Variants in SPDYE3 observed in about 807,000 individuals in gnomAD.
SPDYE3 encodes speedy protein E3.
Under a neutral mutation model 55.0 loss-of-function variants are expected in SPDYE3, and 15 were observed. That is an observed-to-expected ratio of 0.27 (90% CI 0.18 to 0.42). The LOEUF (loss-of-function observed/expected upper bound fraction) is 0.42. Ranked by LOEUF, SPDYE3 falls within the 10% of genes least tolerant of loss-of-function variation. The pLI is 1.00. For missense variants in SPDYE3, 236 were observed against 576.7 expected, an observed-to-expected ratio of 0.41 and a Z score of 6.05; for synonymous variants, 89 against 229.9, an observed-to-expected ratio of 0.39 and a Z score of 5.55.
chr7:100,311,045 T>G (rs1584996636), intron 3 of SPDYE3, among the ~76,000 whole-genome samples: 1 of 39,330 alleles, frequency 2.5e-5, no homozygotes, highest in African/African-American at 1.3e-4. Flanking sequence ...AGGAAGAGGG[T>G]GCAGTGAGCC....
chr7:100,319,337 C>A (rs1789517477), intron 8 of SPDYE3, among the ~76,000 whole-genome samples: 2 of 152,194 alleles, frequency 1.3e-5, no homozygotes, highest in Non-Finnish European at 1.5e-5. Flanking sequence ...CCTAAGCCAC[C>A]ACTCTTGGTC....
In SPDYE3 at chr7:100,307,870, G is replaced by C. The variant is rs1238805728; in HGVS notation, c.-16G>C. 11 of 1,571,024 alleles carry C rather than the reference G, an allele frequency of 7.0e-6. No homozygotes were observed. The highest frequency in any genetic ancestry group is 1.3e-5 in the African/African-American group (1 of 74,340). The stretch of plus-strand genomic sequence containing the variant: ...AGACTAGCTTCGGTGAGATTGGACA[G>C]ATTTTGGGAAAGATCATGACGAGCC... On this transcript the variant is annotated 5_prime_UTR_variant, in exon 1 of 11. Transcript: ENST00000332397.
rs746836707 is a variant in SPDYE3 at position 100,307,920 on chromosome 7, A to C, written c.35A>C (p.Gln12Pro). 6.3e-7 allele frequency: 1 copy of C among 1,586,014 alleles called. No individual in the cohort carries two copies. The highest frequency in any genetic ancestry group is 1.3e-5 in the African/African-American group (1 of 74,656). The change falls in exon 1 of 11, where the codon CAG becomes CCG. Residue 12 changes from glutamine (Q) to proline (P), a missense_variant. Physicochemically the swap from Gln to Pro is moderately conservative, Grantham distance 76 (BLOSUM62 -1). Coordinates refer to ENST00000332397, the MANE Select transcript of SPDYE3 (RefSeq NM_001004351.5). ...TSHQPQPQEE[Q>P]SPQRSTSGYP... ...CATCAACCGCAGCCCCAGGAAGAGCAGAGCCCCCAGCGGAGCACCTCAGGG... is the reference window on the plus strand; with the variant it reads ...CATCAACCGCAGCCCCAGGAAGAGCCGAGCCCCCAGCGGAGCACCTCAGGG...
Position 100,309,156 on chromosome 7 carries a change from C to G in SPDYE3, c.289C>G (p.Leu97Val). ...KAKRRRVSLV[L>V]PEYYEAFNRL... is the part of the protein sequence containing the mutation. The stretch of plus-strand genomic sequence containing the variant: ...GAAGCGACGGCGAGTGTCGCTCGTG[C>G]TCCCTGAGTACTACGAGGCCTTCAA... The change falls in exon 2 of 11, where the codon CTC (leucine) becomes GTC (valine). Residue 97 changes from leucine to valine, a missense_variant. Coordinates refer to ENST00000332397, the MANE Select transcript of SPDYE3 (RefSeq NM_001004351.5). 2.1e-6 allele frequency: 1 copy of G among 479,798 alleles called. No individual in the cohort carries two copies. Among genetic ancestry groups the G allele is most frequent in the East Asian group, 3.1e-5 (1 of 31,886 alleles). The allele number at this position is 479,798 out of a possible 1,614,324, so 29.7% of individuals were successfully genotyped here. A position where few individuals can be genotyped will look rare whatever the true frequency, so the allele number is the denominator to read the frequency against.
At chr7:100,320,491 T>C in intron 10 of SPDYE3, 2 of 980,148 alleles carry the variant, frequency 2.0e-6, no homozygotes, top group Non-Finnish European at 2.6e-6. Context: ...ATTAGGCTTC[T>C]GGACTCGTGG....
At position 100,308,500 on chromosome 7, in the gene SPDYE3, A is replaced by G. The variant is rs187017136; in HGVS notation, c.107-474A>G. Among the ~76,000 whole-genome samples the G allele has an allele frequency of 3.8e-3, 569 of 150,534 alleles. 11 individuals carry two copies. Among genetic ancestry groups the G allele is most frequent in the Non-Finnish European group, 1.6e-3 (108 of 67,724 alleles). On this transcript the variant is annotated intron_variant, in intron 1 of 10. Transcript: ENST00000332397. ...AAGGCAGGCGGATCACGTGAGGCCA[A>G]GAGTTTGAGACCAGCCTGGCCAACA...
intron 8 of SPDYE3, among the ~76,000 whole-genome samples, chr7:100,317,975 CAAA>C (rs1159920205): frequency 2.3e-5 from 1 of 43,850 alleles, no homozygotes; most frequent in African/African-American, 7.1e-5. Context: ...GACTCCGTCT[CAAA>C]AAAAAAAAAA....
chr7:100,315,787 G>T lies in SPDYE3; in HGVS notation c.1204G>T (p.Asp402Tyr), dbSNP rs1031904778. ...YYEAFNRLLE[D>Y]PVIKRFLAWD... is the part of the protein sequence containing the mutation. The stretch of plus-strand genomic sequence containing the variant: ...TGACATCTGCTCTCTAATCACAGAG[G>T]ATCCTGTCATTAAAAGATTCCTGGC... Residue 402 changes from aspartate to tyrosine, a missense_variant and splice_region_variant, in exon 7 of 11, where the codon GAT becomes TAT. Physicochemically the swap from Asp to Tyr is radical, Grantham distance 160. Transcript: ENST00000332397. 6.3e-6 allele frequency: 10 copies of T among 1,598,868 alleles called. No homozygotes were observed. The highest frequency in any genetic ancestry group is 8.5e-6 in the Non-Finnish European group (10 of 1,179,736).
Position 100,307,938 on chromosome 7 carries a change from C to T in SPDYE3, c.53C>T (p.Thr18Ile), listed in dbSNP as rs1202332703. The change falls in exon 1 of 11, where the codon ACC (threonine) becomes ATC (isoleucine). Residue 18 changes from threonine to isoleucine, a missense_variant. By Grantham distance (89) the Thr-to-Ile change is moderately conservative. Coordinates refer to ENST00000332397, the MANE Select transcript of SPDYE3 (RefSeq NM_001004351.5). ...GAAGAGCAGAGCCCCCAGCGGAGCACCTCAGGGTACCCCCTCCAGGAGGTG... is the reference window on the plus strand; with the variant it reads ...GAAGAGCAGAGCCCCCAGCGGAGCATCTCAGGGTACCCCCTCCAGGAGGTG... ...PQEEQSPQRS[T>I]SGYPLQEVVD... The T allele has an allele frequency of 1.8e-5, 28 of 1,580,054 alleles. No homozygotes were observed. The highest frequency in any genetic ancestry group is 2.4e-5 in the Non-Finnish European group (28 of 1,171,520).
At chr7:100,319,497 G>A (rs1466330609) in intron 8 of SPDYE3, 68 bp from the exon 9 acceptor site, 61 of 1,610,740 alleles carry the variant, frequency 3.8e-5, no homozygotes, top group Admixed American at 8.3e-5. Flanking sequence ...TCCTCTCTGG[G>A]AAGCTGACCT....
chr7:100,317,211 G>T, intron 8 of SPDYE3, 56 bp downstream of exon 8: 1 of 1,583,364 alleles, frequency 6.3e-7, no homozygotes, highest in Non-Finnish European at 8.7e-7. Context: ...GACAGCGGGG[G>T]AAGTGGGATT....
rs775669111 is a variant in SPDYE3 at position 100,319,743 on chromosome 7, C to T, written c.1525C>T (p.Arg509Cys). ...NCSQIALFQK[R>C]RFQFFCSMRC... ...CTCTCAGATAGCCTTGTTCCAGAAG[C>T]GTCGGTTCCAGTTCTTCTGTTCCAT... Residue 509 changes from arginine (R) to cysteine (C), a missense_variant, in exon 9 of 11, where the codon CGT (arginine) becomes TGT (cysteine). By Grantham distance (180) the Arg-to-Cys change is radical. Coordinates refer to ENST00000332397, the MANE Select transcript of SPDYE3 (RefSeq NM_001004351.5). 5.0e-6 allele frequency: 8 copies of T among 1,614,010 alleles called. No individual in the cohort carries two copies. Among genetic ancestry groups the T allele is most frequent in the African/African-American group, 4.0e-5 (3 of 74,892 alleles).
At chr7:100,318,998 G>A (rs1312807927) in intron 8 of SPDYE3, among the ~76,000 whole-genome samples, 6 of 151,256 alleles carry the variant, frequency 4.0e-5, no homozygotes, top group Non-Finnish European at 5.9e-5. Context: ...TGCAACCTCC[G>A]CCTCCTGGGT....
intron 7 of SPDYE3, 43 bp downstream of exon 7, chr7:100,315,886 C>T (rs767820447): frequency 2.6e-5 from 42 of 1,597,936 alleles, no homozygotes; most frequent in African/African-American, 5.3e-5. Context: ...TTCTAACGCA[C>T]GGCCAGGGGG....
chr7:100,320,244 G>T, intron 10 of SPDYE3: 1 of 1,215,614 alleles, frequency 8.2e-7, no homozygotes, highest in Non-Finnish European at 1.1e-6. Flanking sequence ...CTGGAGCCTG[G>T]GAGGTCGGGG....
chr7:100,309,697 G>A (rs1034293708), intron 2 of SPDYE3, among the ~76,000 whole-genome samples: 3 of 125,278 alleles, frequency 2.4e-5, no homozygotes, highest in African/African-American at 8.7e-5. Flanking sequence ...CTCCAGTCTG[G>A]GTGAGAGAGT....
In SPDYE3 at chr7:100,311,979, AC is replaced by A; in HGVS notation, c.763+15del. Reference sequence around the variant, plus strand: ...TCAACAGGCTGCTTGGTAGGAGGACACCCCAGAGAGCACCTCCAATCCTGTT... The same window carrying A: ...TCAACAGGCTGCTTGGTAGGAGGACACCCAGAGAGCACCTCCAATCCTGTT... On this transcript the variant is annotated intron_variant, in intron 4 of 10. Coordinates refer to ENST00000332397, the MANE Select transcript of SPDYE3 (RefSeq NM_001004351.5). 1 of 1,041,542 alleles carries A rather than the reference AC, an allele frequency of 9.6e-7. No homozygotes were observed. The highest frequency in any genetic ancestry group is 1.3e-6 in the Non-Finnish European group (1 of 747,556). 64.5% of individuals were successfully genotyped at this position (1,041,542 alleles called of 1,614,324 possible).
intron 10 of SPDYE3, chr7:100,320,686 T>C: frequency 9.3e-7 from 1 of 1,072,492 alleles, no homozygotes; most frequent in South Asian, 1.7e-5. Context: ...TTGGGTGTAT[T>C]AAGTTTTGGA....
rs1806122009 is a variant in SPDYE3 at position 100,317,086 on chromosome 7, T to G, written c.1277T>G (p.Val426Gly). 1.2e-6 allele frequency: 2 copies of G among 1,609,542 alleles called. No homozygotes were observed. The highest frequency in any genetic ancestry group is 1.7e-6 in the Non-Finnish European group (2 of 1,177,692). Reference protein sequence around the residue: ...RVSDKYLLAMVIAYFSRAGLP... With the variant: ...RVSDKYLLAMGIAYFSRAGLP... The stretch of plus-strand genomic sequence containing the variant: ...CTCCATCAGTATCTCCTGGCTATGG[T>G]CATAGCGTATTTCAGCCGGGCCGGC... The change falls in exon 8 of 11, where the codon GTC becomes GGC. Residue 426 changes from valine to glycine, a missense_variant. Coordinates refer to ENST00000332397, the MANE Select transcript of SPDYE3 (RefSeq NM_001004351.5).
Sources: allele counts gnomAD v4.1 joint callset (sites outside exome capture counted in the v4.1 genomes callset), GRCh38; gene constraint gnomAD v4.1.1; transcripts MANE v1.5; gene names NCBI Gene and HGNC (gene_info 2026-07-23, HGNC 2026-07-21).